FSTL5: variants seen among roughly 807,000 people sequenced by gnomAD.
FSTL5 encodes the protein follistatin-related protein 5.
A neutral mutation model predicts 89.1 loss-of-function variants in FSTL5; 62 were observed. The ratio of observed to expected loss-of-function variants is 0.70; its 90% CI spans 0.57 to 0.86. The LOEUF (loss-of-function observed/expected upper bound fraction) is 0.86, where lower values mean the gene tolerates loss of function less well. Among genes scored for constraint, FSTL5 ranks in the 40% least tolerant of loss-of-function variants. The pLI, the probability that FSTL5 is intolerant of heterozygous loss-of-function variation, is 0.00. For missense variants in FSTL5, 1,057 were observed against 1,001.6 expected, an observed-to-expected ratio of 1.06 and a Z score of -0.75; for synonymous variants, 383 against 346.2, an observed-to-expected ratio of 1.11 and a Z score of -1.18.
At chr4:161,851,610 T>C (rs1248730816) in intron 4 of FSTL5, among the ~76,000 whole-genome samples, 1 of 152,158 alleles carries the variant, frequency 6.6e-6, no homozygotes, top group Non-Finnish European at 1.5e-5. Flanking sequence ...AACATTGTTA[T>C]ATTTTGCCAC....
chr4:162,069,818 T>G (rs1325118882), intron 2 of FSTL5, among the ~76,000 whole-genome samples: 1 of 151,938 alleles, frequency 6.6e-6, no homozygotes, highest in African/African-American at 2.4e-5. Context: ...GTTGACTATA[T>G]CTTAGCCTTT....
chr4:161,866,156 C>A (rs12644743), intron 4 of FSTL5, among the ~76,000 whole-genome samples: 1 of 152,128 alleles, frequency 6.6e-6, no homozygotes. Flanking sequence ...AAATTACACT[C>A]CAGACCCAAC....
In FSTL5 at chr4:162,133,282, A is replaced by T. The variant is rs1412794219; in HGVS notation, c.-16-21870T>A. On this transcript the variant is annotated intron_variant, in intron 1 of 15. Coordinates refer to ENST00000306100, the MANE Select transcript of FSTL5 (RefSeq NM_020116.5). Reference sequence around the variant, plus strand: ...GCATTGAAAGTGAGGGAAGAACAAAAAGTCTAGTCTGCAGTAAATGATTGC... The same window carrying T: ...GCATTGAAAGTGAGGGAAGAACAAATAGTCTAGTCTGCAGTAAATGATTGC... Among the ~76,000 whole-genome samples, 3 of 152,328 alleles carry T rather than the reference A, an allele frequency of 2.0e-5. No individual in the cohort carries two copies. The East Asian group carries it at 5.8e-4, about 29-fold the overall frequency.
At position 161,655,460 on chromosome 4, in the gene FSTL5, C is replaced by T. The variant is rs143368304; in HGVS notation, c.894+868G>A. Among the ~76,000 whole-genome samples the T allele has an allele frequency of 3.2e-4, 48 of 152,078 alleles. 1 individual carries two copies. In the East Asian group the frequency reaches 4.4e-3, roughly 14 times the overall value. On this transcript the variant is annotated intron_variant, in intron 7 of 15. Transcript: ENST00000306100. ...CTTGTACTTACTGTAATTATTTCAG[C>T]GAAAGCCACGTGATGCCAGTCATAC...
At chr4:161,857,363 A>T (rs1731753356) in intron 4 of FSTL5, among the ~76,000 whole-genome samples, 1 of 152,176 alleles carries the variant, frequency 6.6e-6, no homozygotes. Flanking sequence ...GGTCTGAGTA[A>T]CCTAGTGAAA....
At chr4:161,753,291 C>T (rs1312146003) in intron 6 of FSTL5, among the ~76,000 whole-genome samples, 4 of 152,136 alleles carry the variant, frequency 2.6e-5, no homozygotes, top group South Asian at 2.1e-4. Context: ...CCTAAATTTG[C>T]ATCTCTTCCC....
chr4:162,113,445 T>G (rs1453337002), intron 1 of FSTL5, among the ~76,000 whole-genome samples: 1 of 152,188 alleles, frequency 6.6e-6, no homozygotes, highest in Admixed American at 6.5e-5. Context: ...TCCTCGCTAG[T>G]CTTCCACATT....
chr4:162,122,459 A>C (rs1390250283), intron 1 of FSTL5, among the ~76,000 whole-genome samples: 3 of 152,000 alleles, frequency 2.0e-5, no homozygotes, highest in African/African-American at 7.2e-5. Context: ...TTTCCTAGTC[A>C]TGGTCTTGTA....
chr4:161,738,804 T>A (rs1359982469), intron 6 of FSTL5, among the ~76,000 whole-genome samples: 1 of 152,200 alleles, frequency 6.6e-6, no homozygotes, highest in Admixed American at 6.5e-5. Flanking sequence ...ACATATTTTT[T>A]ATAATACTTA....
intron 11 of FSTL5, among the ~76,000 whole-genome samples, chr4:161,504,623 T>C (rs1364128238): frequency 1.3e-5 from 2 of 151,946 alleles, no homozygotes; most frequent in East Asian, 3.9e-4. Context: ...CTTTCTGCTT[T>C]TTCTTTCTAT....
At chr4:161,792,131 C>T (rs1297684157) in intron 4 of FSTL5, among the ~76,000 whole-genome samples, 2 of 152,190 alleles carry the variant, frequency 1.3e-5, no homozygotes, top group Non-Finnish European at 2.9e-5. Context: ...TCTCCCAACT[C>T]CTGGTGTCTG....
intron 8 of FSTL5, among the ~76,000 whole-genome samples, chr4:161,586,249 T>A (rs1733613712): frequency 6.6e-6 from 1 of 152,190 alleles, no homozygotes; most frequent in Admixed American, 6.5e-5. Context: ...ATGCAATGTA[T>A]ACATATTGAT....
chr4:161,890,227 C>T (rs951114121), intron 4 of FSTL5, among the ~76,000 whole-genome samples: 2 of 152,046 alleles, frequency 1.3e-5, no homozygotes, highest in African/African-American at 2.4e-5. Context: ...TGGTTGGCAC[C>T]TAATGGGTAC....
At chr4:161,915,149 G>A (rs753274533) in intron 4 of FSTL5, among the ~76,000 whole-genome samples, 5 of 152,030 alleles carry the variant, frequency 3.3e-5, no homozygotes, top group Non-Finnish European at 7.4e-5. Context: ...TAAGTTTGTT[G>A]CCTTCACTAT....
intron 6 of FSTL5, among the ~76,000 whole-genome samples, chr4:161,675,203 C>T (rs4539992): frequency 0.78 from 118,976 of 152,006 alleles, 46,756 homozygotes; most frequent in East Asian, 0.93. Context: ...CATTAAGAAA[C>T]GTCACACAAA....
rs549715307 is a variant in FSTL5 at position 161,723,731 on chromosome 4, A to T, written c.727+35680T>A. ...ATGGAAACTAACACTATCCAGTGTC[A>T]TTGCATAGGACTGATTTCTACACAG... is the stretch of plus-strand genomic sequence containing the variant. On this transcript the variant is annotated intron_variant, in intron 6 of 15. Transcript: ENST00000306100. Among the ~76,000 whole-genome samples the T allele has an allele frequency of 4.0e-4, 61 of 152,278 alleles. No individual in the cohort carries two copies. The South Asian group carries it at 0.012, about 29-fold the overall frequency.
intron 15 of FSTL5, among the ~76,000 whole-genome samples, chr4:161,412,926 A>G (rs1731643220): frequency 6.6e-6 from 1 of 152,152 alleles, no homozygotes; most frequent in Non-Finnish European, 1.5e-5. Flanking sequence ...TTCAAAATGG[A>G]TCAAAGATTT....
intron 4 of FSTL5, among the ~76,000 whole-genome samples, chr4:161,872,128 G>GTTTTTTTGTTTTT (rs1732282226): frequency 4.2e-4 from 27 of 64,148 alleles, no homozygotes; most frequent in Non-Finnish European, 6.2e-4. Context: ...TTTGTAGTTT[G>GTTTTTTTGTTTTT]TTTTTTTTTT....
At chr4:161,961,838 A>C (rs566263660) in intron 3 of FSTL5, among the ~76,000 whole-genome samples, 1 of 151,686 alleles carries the variant, frequency 6.6e-6, no homozygotes, top group Non-Finnish European at 1.5e-5. Context: ...AATTGTATCA[A>C]TGTCCTTATA....
Sources: allele counts gnomAD v4.1 joint callset (sites outside exome capture counted in the v4.1 genomes callset), GRCh38; gene constraint gnomAD v4.1.1; transcripts MANE v1.5; gene names NCBI Gene and HGNC (gene_info 2026-07-23, HGNC 2026-07-21).